Variants in ME1 observed in about 807,000 individuals in gnomAD.
ME1 encodes the protein NADP-dependent malic enzyme.
In ME1, 74 loss-of-function variants were observed where a neutral mutation model predicts 66.4. That is an observed-to-expected ratio of 1.11 (90% confidence interval 0.92 to 1.35). The LOEUF is 1.35. Among genes scored for constraint, ME1 ranks in the 40% most tolerant of loss-of-function variants. ME1 has a pLI of 0.00. For synonymous variants in ME1, 251 were observed against 235.6 expected, an observed-to-expected ratio of 1.07 and a Z score of -0.60; for missense variants, 750 against 694.1, an observed-to-expected ratio of 1.08 and a Z score of -0.90.
chr6:83,404,662 C>A (rs1412293658), intron 2 of ME1, among the ~76,000 whole-genome samples: 2 of 152,180 alleles, frequency 1.3e-5, no homozygotes, highest in Non-Finnish European at 2.9e-5. Context: ...AATCGTTAAT[C>A]CATCTTGAGT....
At chr6:83,296,210 A>G (rs1232592220) in intron 6 of ME1, among the ~76,000 whole-genome samples, 1 of 152,110 alleles carries the variant, frequency 6.6e-6, no homozygotes, top group African/African-American at 2.4e-5. Context: ...CACAACAACA[A>G]CAAAAACTTC....
chr6:83,360,837 T>C (rs1264573810), intron 3 of ME1, among the ~76,000 whole-genome samples: 1 of 152,240 alleles, frequency 6.6e-6, no homozygotes, highest in East Asian at 1.9e-4. Flanking sequence ...GCAGCTGCTG[T>C]ACCTGTACCA....
chr6:83,410,924 C>T (rs1770038271), intron 1 of ME1, among the ~76,000 whole-genome samples: 2 of 152,106 alleles, frequency 1.3e-5, no homozygotes, highest in Non-Finnish European at 2.9e-5. Context: ...TTTTTATATT[C>T]TTTGATGTTT....
intron 5 of ME1, among the ~76,000 whole-genome samples, chr6:83,331,986 T>C (rs375640883): frequency 1.3e-5 from 2 of 152,082 alleles, no homozygotes; most frequent in East Asian, 3.9e-4. Context: ...ATAATTTCTA[T>C]GAAAAGATTT....
intron 6 of ME1, among the ~76,000 whole-genome samples, chr6:83,308,634 T>A (rs1417178658): frequency 1.3e-5 from 2 of 151,232 alleles, no homozygotes; most frequent in African/African-American, 4.9e-5. Flanking sequence ...ACAAAACAAA[T>A]CAAATTTTAC....
intron 10 of ME1, 62 bp from the exon 11 acceptor site, chr6:83,227,539 C>T: frequency 1.5e-6 from 2 of 1,362,034 alleles, no homozygotes; most frequent in Non-Finnish European, 2.0e-6. Context: ...ACAAGAAGAC[C>T]ATGCCTCAAA....
Position 83,211,890 on chromosome 6 carries a change from C to T in ME1, c.*34G>A, listed in dbSNP as rs764895342. The T allele has an allele frequency of 7.8e-6, 11 of 1,417,830 alleles. No homozygotes were observed. Among genetic ancestry groups the T allele is most frequent in the South Asian group, 1.7e-5 (1 of 59,258 alleles). The allele number at this position is 1,417,830 out of a possible 1,614,324, so 87.8% of individuals were successfully genotyped here. ...TAAAAATTATGAAAGGTTTAAAGAC[C>T]TCATTAATAGAGTTAGAAATGTTTG... is the stretch of plus-strand genomic sequence containing the variant. On this transcript the variant is annotated 3_prime_UTR_variant, in exon 14 of 14. Transcript: ENST00000369705.
At chr6:83,225,633 T>C (rs1240370961) in intron 11 of ME1, among the ~76,000 whole-genome samples, 2 of 152,114 alleles carry the variant, frequency 1.3e-5, no homozygotes, top group Non-Finnish European at 1.5e-5. Flanking sequence ...TCTAGCTGTT[T>C]ATAAGACACT....
At chr6:83,341,083 G>A (rs369941653) in intron 5 of ME1, among the ~76,000 whole-genome samples, 12 of 152,054 alleles carry the variant, frequency 7.9e-5, no homozygotes, top group East Asian at 3.9e-4. Context: ...GGGCATCTGC[G>A]TCATACAGTA....
intron 10 of ME1, among the ~76,000 whole-genome samples, chr6:83,227,848 T>C (rs777659965): frequency 3.3e-5 from 5 of 152,208 alleles, no homozygotes; most frequent in Non-Finnish European, 1.5e-5. Flanking sequence ...TTAAGTTTTA[T>C]AAACCAACGC....
chr6:83,349,523 C>G (rs1002879073), intron 4 of ME1, among the ~76,000 whole-genome samples: 1 of 152,148 alleles, frequency 6.6e-6, no homozygotes, highest in Non-Finnish European at 1.5e-5. Flanking sequence ...GTATGAAATA[C>G]GCAGATTTCT....
chr6:83,220,876 A>G (rs889251624), intron 12 of ME1, among the ~76,000 whole-genome samples: 9 of 152,136 alleles, frequency 5.9e-5, no homozygotes, highest in Admixed American at 2.0e-4. Flanking sequence ...AAGATAATCT[A>G]CAGGCCAGGC....
At chr6:83,354,820 T>C (rs1768859748) in intron 3 of ME1, among the ~76,000 whole-genome samples, 1 of 152,214 alleles carries the variant, frequency 6.6e-6, no homozygotes, top group Non-Finnish European at 1.5e-5. Flanking sequence ...TGCTAGCAAG[T>C]AGTATGTATC....
intron 7 of ME1, among the ~76,000 whole-genome samples, chr6:83,243,353 TTTATATAATATA>T (rs1790542556): frequency 7.4e-6 from 1 of 135,930 alleles, no homozygotes; most frequent in South Asian, 2.1e-4. Context: ...TATTTATATA[TTTATATAATATA>T]TTATATAATA....
chr6:83,404,952 C>G (rs529548504), intron 2 of ME1, among the ~76,000 whole-genome samples: 1 of 152,112 alleles, frequency 6.6e-6, no homozygotes, highest in Non-Finnish European at 1.5e-5. Flanking sequence ...ATGCTTCCAG[C>G]TTTGTTCTTT....
intron 3 of ME1, among the ~76,000 whole-genome samples, chr6:83,367,723 T>C (rs984205530): frequency 2.0e-5 from 3 of 152,250 alleles, no homozygotes; most frequent in African/African-American, 7.2e-5. Flanking sequence ...GATTAGGCTT[T>C]GGCTTAAAGG....
intron 7 of ME1, among the ~76,000 whole-genome samples, chr6:83,247,391 C>A (rs183620995): frequency 6.6e-6 from 1 of 151,840 alleles, no homozygotes; most frequent in Non-Finnish European, 1.5e-5. Context: ...AATGAGAATG[C>A]ATTCATGTCT....
intron 1 of ME1, among the ~76,000 whole-genome samples, chr6:83,421,467 T>C (rs1206918485): frequency 6.6e-6 from 1 of 152,224 alleles, no homozygotes; most frequent in Admixed American, 6.5e-5. Flanking sequence ...AATCCTTGTA[T>C]AGAATGCGTT....
intron 6 of ME1, among the ~76,000 whole-genome samples, chr6:83,307,661 G>A (rs962222493): frequency 6.6e-6 from 1 of 151,954 alleles, no homozygotes; most frequent in Non-Finnish European, 1.5e-5. Context: ...GATTAGAACA[G>A]GTAGAAAAAG....
Sources: allele counts gnomAD v4.1 joint callset (sites outside exome capture counted in the v4.1 genomes callset), GRCh38; gene constraint gnomAD v4.1.1; transcripts MANE v1.5; gene names NCBI Gene and HGNC (gene_info 2026-07-23, HGNC 2026-07-21).